NRP1: variants seen among roughly 807,000 people sequenced by gnomAD.
NRP1 encodes the protein neuropilin-1.
NRP1 carries 35 observed loss-of-function variants against 106.7 expected under a neutral mutation model. The observed-to-expected ratio is 0.33, with a 90% CI of 0.25 to 0.43. The LOEUF is 0.43. NRP1 is among the 20% of genes least tolerant of loss of function. NRP1 has a pLI of 1.00. For missense variants in NRP1, 1,024 were observed against 1,170.4 expected, an observed-to-expected ratio of 0.87 and a Z score of 1.83; for synonymous variants, 437 against 417.9, an observed-to-expected ratio of 1.05 and a Z score of -0.56.
At chr10:33,249,983 T>C (rs970429305) in intron 6 of NRP1, among the ~76,000 whole-genome samples, 1 of 152,288 alleles carries the variant, frequency 6.6e-6, no homozygotes, top group South Asian at 2.1e-4. Flanking sequence ...AAAGTCAGCT[T>C]CCAATATCGC....
At chr10:33,330,593 G>T (rs1790148698) in intron 2 of NRP1, 115 bp downstream of exon 2, 1 of 766,580 alleles carries the variant, frequency 1.3e-6, no homozygotes, top group Non-Finnish European at 1.9e-6. Context: ...GCTGAGATTG[G>T]AATCCCTCCT....
At chr10:33,324,198 GA>G (rs986438800) in intron 2 of NRP1, among the ~76,000 whole-genome samples, 3 of 152,064 alleles carry the variant, frequency 2.0e-5, no homozygotes, top group Admixed American at 6.6e-5. Context: ...TGCTAATGGG[GA>G]AAAAAATCAA....
chr10:33,288,020 C>T (rs1044279164), intron 2 of NRP1, among the ~76,000 whole-genome samples: 12 of 152,202 alleles, frequency 7.9e-5, no homozygotes, highest in African/African-American at 2.4e-4. Flanking sequence ...CTAACCCTAA[C>T]CCAAACTTGG....
rs74924758 is a variant in NRP1, at chr10:33,235,602, C to A, written c.982-9313G>T. ...TTTTCCTTTTCCATATTATCTAGAG[C>A]AGATACAATTGTATTCACCAAAACC... On this transcript the variant is annotated intron_variant, in intron 6 of 16. Coordinates refer to ENST00000374867, the MANE Select transcript of NRP1 (RefSeq NM_003873.7). Among the ~76,000 whole-genome samples, 1,097 of 152,316 alleles carry A rather than the reference C, an allele frequency of 7.2e-3. 12 individuals are homozygous for A. The highest frequency in any genetic ancestry group is 0.025 in the African/African-American group (1,041 of 41,568).
intron 2 of NRP1, among the ~76,000 whole-genome samples, chr10:33,291,034 C>T (rs1354858447): frequency 1.3e-5 from 2 of 152,168 alleles, no homozygotes; most frequent in African/African-American, 4.8e-5. Context: ...AAGCCTCATT[C>T]TGCCAATAGC....
At chr10:33,271,180 T>C (rs926053987) in intron 2 of NRP1, among the ~76,000 whole-genome samples, 14 of 152,344 alleles carry the variant, frequency 9.2e-5, no homozygotes, top group African/African-American at 3.4e-4. Context: ...ATTATTAAAT[T>C]GTGTTCCTTT....
chr10:33,213,814 G>T (rs1838529151), intron 8 of NRP1, 97 bp from the exon 9 acceptor site: 2 of 961,032 alleles, frequency 2.1e-6, no homozygotes, highest in Admixed American at 2.8e-5. Context: ...ACATGATTTT[G>T]TACCCAATCA....
intron 2 of NRP1, among the ~76,000 whole-genome samples, chr10:33,316,357 A>C (rs1490729630): frequency 2.0e-5 from 3 of 152,240 alleles, no homozygotes; most frequent in African/African-American, 4.8e-5. Flanking sequence ...AAATGAAGGA[A>C]TCAGTAAAAC....
intron 6 of NRP1, among the ~76,000 whole-genome samples, chr10:33,253,610 G>A (rs543103610): frequency 3.3e-5 from 5 of 152,116 alleles, no homozygotes; most frequent in Middle Eastern, 3.4e-3. Flanking sequence ...TTTCATACAC[G>A]TCTATAAACA....
chr10:33,236,822 T>C (rs535550892), intron 6 of NRP1, among the ~76,000 whole-genome samples: 199 of 152,344 alleles, frequency 1.3e-3, no homozygotes, highest in African/African-American at 4.5e-3. Context: ...TTGTTTTTGT[T>C]ACTATTAAAA....
intron 2 of NRP1, among the ~76,000 whole-genome samples, chr10:33,323,557 C>T (rs994867972): frequency 3.9e-5 from 6 of 152,072 alleles, no homozygotes; most frequent in African/African-American, 1.4e-4. Context: ...ACACTACTAA[C>T]TGCCCTAGAT....
chr10:33,180,806 G>A (rs372606949), intron 16 of NRP1, among the ~76,000 whole-genome samples: 74 of 152,300 alleles, frequency 4.9e-4, no homozygotes, highest in East Asian at 1.5e-3. Flanking sequence ...GCCCTTCTAC[G>A]TGGTGCTGTT....
At chr10:33,247,320 A>G (rs1319079859) in intron 6 of NRP1, among the ~76,000 whole-genome samples, 1 of 152,120 alleles carries the variant, frequency 6.6e-6, no homozygotes, top group East Asian at 1.9e-4. Flanking sequence ...AAGGAAGTCC[A>G]GGCCCTTCAC....
intron 6 of NRP1, among the ~76,000 whole-genome samples, chr10:33,227,432 A>C (rs1360600775): frequency 7.5e-6 from 1 of 133,642 alleles, no homozygotes; most frequent in Non-Finnish European, 1.6e-5. Flanking sequence ...GGATGGAGTA[A>C]AGAGGAAGAG....
chr10:33,214,483 C>T (rs1484571078), intron 8 of NRP1, among the ~76,000 whole-genome samples: 1 of 152,106 alleles, frequency 6.6e-6, no homozygotes, highest in Non-Finnish European at 1.5e-5. Flanking sequence ...TTATTAAGTA[C>T]AAGAAAGCAA....
intron 6 of NRP1, among the ~76,000 whole-genome samples, chr10:33,231,696 C>G (rs900674695): frequency 5.3e-5 from 8 of 152,050 alleles, no homozygotes; most frequent in Admixed American, 2.0e-4. Context: ...AACGCGAACC[C>G]ATGACTACCG....
In NRP1 at chr10:33,185,663, C is replaced by T. The variant is rs1283585996; in HGVS notation, c.2396G>A (p.Ser799Asn). 2 of 1,614,000 alleles carry T rather than the reference C, an allele frequency of 1.2e-6. No homozygotes were observed. The highest frequency in any genetic ancestry group is 2.7e-5 in the African/African-American group (2 of 74,942). ...TTCTTGTGAAATGTGGTTATTAATA[C>T]TAATGTCATCCACAGCAATCCCACC... The part of the protein sequence containing the change: ...NLGGIAVDDI[S>N]INNHISQEDC... The change falls in exon 15 of 17, where the codon AGT (serine) becomes AAT (asparagine). Residue 799 changes from serine (S) to asparagine (N), a missense_variant. By Grantham distance (46) the Ser-to-Asn change is conservative. Coordinates refer to ENST00000374867, the MANE Select transcript of NRP1 (RefSeq NM_003873.7).
At chr10:33,213,174 C>A (rs116077663) in intron 9 of NRP1, 1 of 1,321,802 alleles carries the variant, frequency 7.6e-7, no homozygotes, top group South Asian at 1.4e-5. Flanking sequence ...ATGGGACCAG[C>A]AATGCAATTC....
chr10:33,269,385 C>G (rs1843138506), intron 3 of NRP1, among the ~76,000 whole-genome samples: 1 of 152,200 alleles, frequency 6.6e-6, no homozygotes, highest in Non-Finnish European at 1.5e-5. Flanking sequence ...CCTCCAACTC[C>G]TGGGCTCAGG....
Sources: gnomAD v4.1 joint callset for allele counts (sites outside exome capture counted in the v4.1 genomes callset) on GRCh38, gnomAD v4.1.1 for gene constraint, MANE v1.5 for transcripts, NCBI Gene and HGNC (gene_info 2026-07-23, HGNC 2026-07-21) for gene names.